Variants in ELOVL6 observed in about 807,000 individuals in gnomAD.
The protein encoded by ELOVL6 is ELOVL fatty acid elongase 6.
In ELOVL6, 8 loss-of-function variants were observed where a neutral mutation model predicts 31.7. The observed-to-expected ratio is 0.25, with a 90% CI of 0.15 to 0.45. The LOEUF is 0.45. ELOVL6 is among the 20% of genes least tolerant of loss of function. ELOVL6 has a pLI of 1.00. For missense variants in ELOVL6, 126 were observed against 326.4 expected (o/e 0.39, Z 4.73); for synonymous variants, 101 against 117.7 (o/e 0.86, Z 0.92).
chr4:110,097,654 T>A (rs1056351462), intron 2 of ELOVL6, among the ~76,000 whole-genome samples: 25 of 152,236 alleles, frequency 1.6e-4, no homozygotes, highest in African/African-American at 5.5e-4. Context: ...TATCTAGGTG[T>A]GTGTTATTCC....
intron 1 of ELOVL6, among the ~76,000 whole-genome samples, chr4:110,123,407 T>A (rs1757406685): frequency 6.6e-6 from 1 of 152,218 alleles, no homozygotes; most frequent in Non-Finnish European, 1.5e-5. Flanking sequence ...AGCAGAGTTC[T>A]AGGCTCCGGG....
intron 1 of ELOVL6, among the ~76,000 whole-genome samples, chr4:110,133,689 T>A (rs1232790298): frequency 6.6e-6 from 1 of 152,192 alleles, no homozygotes; most frequent in Non-Finnish European, 1.5e-5. Flanking sequence ...AGGAAGTCAT[T>A]ATTTCCCAAT....
chr4:110,057,036 A>G (rs1249452734), intron 3 of ELOVL6, among the ~76,000 whole-genome samples: 1 of 152,246 alleles, frequency 6.6e-6, no homozygotes, highest in East Asian at 1.9e-4. Context: ...GACAGAGAGC[A>G]TAGGTCTGAT....
At chr4:110,149,343 A>C (rs1051261186) in intron 1 of ELOVL6, among the ~76,000 whole-genome samples, 10 of 152,250 alleles carry the variant, frequency 6.6e-5, no homozygotes, top group Admixed American at 4.6e-4. Flanking sequence ...TGTTTATCAC[A>C]GCTCTGTTCA....
intron 1 of ELOVL6, among the ~76,000 whole-genome samples, chr4:110,166,335 A>T (rs1391641589): frequency 3.3e-5 from 5 of 152,150 alleles, no homozygotes; most frequent in Non-Finnish European, 5.9e-5. Flanking sequence ...TGTTTCAGCC[A>T]GGCGCGGTGG....
intron 1 of ELOVL6, among the ~76,000 whole-genome samples, chr4:110,123,468 G>A (rs888511386): frequency 1.3e-5 from 2 of 152,150 alleles, no homozygotes; most frequent in East Asian, 3.8e-4. Flanking sequence ...GTGGATGGAG[G>A]TTACAAGCCT....
intron 1 of ELOVL6, among the ~76,000 whole-genome samples, chr4:110,184,012 TA>T: frequency 6.6e-6 from 1 of 151,948 alleles, no homozygotes; most frequent in East Asian, 1.9e-4. Flanking sequence ...AAATATAAAA[TA>T]AAAAAATCAT....
At chr4:110,114,650 T>G (rs77399475) in intron 1 of ELOVL6, among the ~76,000 whole-genome samples, 4,344 of 152,250 alleles carry the variant, frequency 0.029, 157 homozygotes, top group East Asian at 0.16. Context: ...CAGGCTACAC[T>G]TAGAGTTGAA....
intron 1 of ELOVL6, among the ~76,000 whole-genome samples, chr4:110,120,839 C>T (rs1473279105): frequency 7.5e-6 from 1 of 132,884 alleles, no homozygotes; most frequent in African/African-American, 2.8e-5. Context: ...CTCGCTCTAT[C>T]CCCCTGGCTG....
chr4:110,159,298 G>A (rs572159689), intron 1 of ELOVL6, among the ~76,000 whole-genome samples: 1 of 152,148 alleles, frequency 6.6e-6, no homozygotes, highest in African/African-American at 2.4e-5. Flanking sequence ...TCTGTCATGG[G>A]ATTTATAGTA....
At chr4:110,134,431 T>C (rs1757757693) in intron 1 of ELOVL6, among the ~76,000 whole-genome samples, 1 of 152,114 alleles carries the variant, frequency 6.6e-6, no homozygotes, top group South Asian at 2.1e-4. Context: ...CATGGAAGAA[T>C]GTGATCAGTC....
intron 1 of ELOVL6, among the ~76,000 whole-genome samples, chr4:110,183,798 G>A (rs116761044): frequency 2.9e-3 from 443 of 152,168 alleles, no homozygotes; most frequent in African/African-American, 9.9e-3. Context: ...CCTGGGCAAC[G>A]TGGGGAAATC....
intron 1 of ELOVL6, among the ~76,000 whole-genome samples, chr4:110,158,486 G>A (rs1396603918): frequency 1.4e-5 from 2 of 142,472 alleles, no homozygotes; most frequent in Non-Finnish European, 3.2e-5. Flanking sequence ...GTATCCCGAG[G>A]GCACGATCAG....
At chr4:110,168,605 C>A (rs1199638850) in intron 1 of ELOVL6, among the ~76,000 whole-genome samples, 2 of 152,112 alleles carry the variant, frequency 1.3e-5, no homozygotes, top group East Asian at 3.8e-4. Flanking sequence ...GTGCAGAGCT[C>A]ATTTAAACAA....
chr4:110,153,485 C>T (rs975705095), intron 1 of ELOVL6, among the ~76,000 whole-genome samples: 6 of 150,286 alleles, frequency 4.0e-5, no homozygotes, highest in Admixed American at 3.3e-4. Context: ...AAAATTGCCA[C>T]AGTTACAGAT....
At chr4:110,118,318 C>G (rs1578494250) in intron 1 of ELOVL6, among the ~76,000 whole-genome samples, 1 of 152,068 alleles carries the variant, frequency 6.6e-6, no homozygotes, top group Admixed American at 6.6e-5. Flanking sequence ...ACCCCCCTAA[C>G]TCCACACAGA....
At chr4:110,167,702 TATGTATG>T (rs1758819613) in intron 1 of ELOVL6, among the ~76,000 whole-genome samples, 6 of 150,198 alleles carry the variant, frequency 4.0e-5, no homozygotes, top group African/African-American at 1.3e-4. Context: ...TGTATGTATG[TATGTATG>T]TTTGTATGTA....
At chr4:110,088,988 G>A (rs914416689) in intron 2 of ELOVL6, among the ~76,000 whole-genome samples, 9 of 152,262 alleles carry the variant, frequency 5.9e-5, no homozygotes, top group South Asian at 2.1e-4. Flanking sequence ...TACTGCACTC[G>A]TGTTTCATTG....
intron 1 of ELOVL6, among the ~76,000 whole-genome samples, chr4:110,130,450 T>C (rs1389488562): frequency 1.3e-5 from 2 of 152,206 alleles, no homozygotes; most frequent in African/African-American, 4.8e-5. Context: ...AACAAAAAGC[T>C]GTCCTATACT....
Sources: gnomAD v4.1 joint callset for allele counts (sites outside exome capture counted in the v4.1 genomes callset) on GRCh38, gnomAD v4.1.1 for gene constraint, MANE v1.5 for transcripts, NCBI Gene and HGNC (gene_info 2026-07-23, HGNC 2026-07-21) for gene names.